The following SNX13 variants were observed in gnomAD, a reference collection of about 807,000 sequenced individuals.
The protein encoded by SNX13 is sorting nexin-13.
SNX13 carries 45 observed loss-of-function variants against 133.6 expected under a neutral mutation model. That is an observed-to-expected ratio of 0.34 (90% CI 0.27 to 0.43). The LOEUF (loss-of-function observed/expected upper bound fraction) is 0.43, where lower values mean the gene tolerates loss of function less well. SNX13 is among the 20% of genes least tolerant of loss of function. SNX13 has a pLI of 1.00. For synonymous variants in SNX13, 414 were observed against 373.9 expected (o/e 1.11, Z -1.24); for missense variants, 1,032 against 1,145.1 (o/e 0.90, Z 1.43).
intron 1 of SNX13, among the ~76,000 whole-genome samples, chr7:17,925,490 T>G (rs557650970): frequency 7.9e-5 from 12 of 152,090 alleles, no homozygotes; most frequent in Non-Finnish European, 1.6e-4. Context: ...ATAAGCAGAA[T>G]AGGCTAAAGG....
chr7:17,910,956 T>C (rs1798913964), intron 1 of SNX13, among the ~76,000 whole-genome samples: 1 of 152,224 alleles, frequency 6.6e-6, no homozygotes, highest in Non-Finnish European at 1.5e-5. Flanking sequence ...GTTCTGACAC[T>C]AATTAGAGGT....
At chr7:17,874,160 A>ACAAAGAGTC (rs1794428008) in intron 7 of SNX13, among the ~76,000 whole-genome samples, 1 of 152,224 alleles carries the variant, frequency 6.6e-6, no homozygotes, top group South Asian at 2.1e-4. Flanking sequence ...TGACCCTTGA[A>ACAAAGAGTC]CAAAGAGTCT....
At position 17,794,208 on chromosome 7, in the gene SNX13, T is replaced by C. The variant is rs1348353088; in HGVS notation, c.2711A>G (p.Asn904Ser). ...VFEMFQHNQL[N>S]RRMVYVFLEG... ...CAAGAAGACATAAACCATTCTCCTA[T>C]TTAATTGGTTGTGCTGAAACATTTC... Residue 904 changes from asparagine to serine, a missense_variant, in exon 26 of 26, where the codon AAT becomes AGT. Asn to Ser is a conservative substitution (Grantham distance 46). Transcript: ENST00000428135. 1 of 1,611,776 alleles carries C rather than the reference T, an allele frequency of 6.2e-7. No individual in the cohort carries two copies. Among genetic ancestry groups the C allele is most frequent in the Admixed American group, 1.7e-5 (1 of 59,730 alleles).
intron 1 of SNX13, among the ~76,000 whole-genome samples, chr7:17,935,191 G>T (rs1295718589): frequency 6.6e-6 from 1 of 152,204 alleles, no homozygotes; most frequent in African/African-American, 2.4e-5. Context: ...GGGCTTAAAA[G>T]AGAAGGAAAT....
chr7:17,882,950 C>A, intron 5 of SNX13: 1 of 392,384 alleles, frequency 2.5e-6, no homozygotes, highest in Non-Finnish European at 4.4e-6. Context: ...GACTCTGTCT[C>A]AAAAACAAAA....
chr7:17,921,106 C>G (rs1301178672), intron 1 of SNX13, among the ~76,000 whole-genome samples: 1 of 152,102 alleles, frequency 6.6e-6, no homozygotes, highest in South Asian at 2.1e-4. Context: ...CTCCTTAGAT[C>G]TTGCACAATC....
intron 1 of SNX13, among the ~76,000 whole-genome samples, chr7:17,922,759 G>A (rs80309677): frequency 6.6e-6 from 1 of 151,624 alleles, no homozygotes; most frequent in East Asian, 1.9e-4. Context: ...AAACTACTGG[G>A]AAAAAAAGAT....
chr7:17,886,036 T>C (rs541557556), intron 5 of SNX13, among the ~76,000 whole-genome samples: 24 of 152,272 alleles, frequency 1.6e-4, no homozygotes, highest in Admixed American at 3.9e-4. Flanking sequence ...TTGTTGCAAA[T>C]GTCCACTATT....
chr7:17,922,038 T>G (rs1800180584), intron 1 of SNX13, among the ~76,000 whole-genome samples: 1 of 152,190 alleles, frequency 6.6e-6, no homozygotes, highest in South Asian at 2.1e-4. Context: ...ATAACCCACT[T>G]CTGTACTCAC....
intron 20 of SNX13, among the ~76,000 whole-genome samples, chr7:17,805,264 C>CAT (rs1554304446): frequency 8.2e-6 from 1 of 122,340 alleles, no homozygotes; most frequent in South Asian, 2.3e-4. Context: ...TGCGCGCGCG[C>CAT]GCATGCATGC....
At chr7:17,902,813 A>G (rs1277550144) in intron 1 of SNX13, among the ~76,000 whole-genome samples, 1 of 152,194 alleles carries the variant, frequency 6.6e-6, no homozygotes, top group Non-Finnish European at 1.5e-5. Context: ...TGCCGCGAGC[A>G]TTAGCACCTG....
chr7:17,925,099 C>A (rs1333747653), intron 1 of SNX13, among the ~76,000 whole-genome samples: 1 of 152,098 alleles, frequency 6.6e-6, no homozygotes, highest in Non-Finnish European at 1.5e-5. Context: ...ATTCCTGCTA[C>A]TCTACTCAGG....
At chr7:17,848,238 G>T (rs1184066385) in intron 11 of SNX13, among the ~76,000 whole-genome samples, 3 of 152,126 alleles carry the variant, frequency 2.0e-5, no homozygotes, top group Non-Finnish European at 4.4e-5. Context: ...GACTTCAGGG[G>T]AAGATTACCT....
Position 17,801,010 on chromosome 7 carries a change from A to AT in SNX13, c.2298+577dup, listed in dbSNP as rs1784553862. Among the ~76,000 whole-genome samples, 3 of 4,900 alleles carry AT rather than the reference A, an allele frequency of 6.1e-4. No homozygotes were observed. The Admixed American group carries it at 8.2e-3, about 13-fold the overall frequency. 3.2% of individuals were successfully genotyped at this position (4,900 alleles called of 152,430 possible). On this transcript the variant is annotated intron_variant, in intron 22 of 25. Coordinates refer to ENST00000428135, the MANE Select transcript of SNX13 (RefSeq NM_015132.5). Reference sequence around the variant, plus strand: ...TTGGCAGTATCTACTAAAACTGAACATATATATATATATATATATATATAT... The same window carrying AT: ...TTGGCAGTATCTACTAAAACTGAACATTATATATATATATATATATATATAT...
At chr7:17,897,508 A>T in intron 1 of SNX13, 62 bp from the exon 2 acceptor site, 1 of 955,322 alleles carries the variant, frequency 1.0e-6, no homozygotes, top group Non-Finnish European at 1.5e-6. Flanking sequence ...TTAGAAAAGA[A>T]CCAACAAAAC....
intron 1 of SNX13, among the ~76,000 whole-genome samples, chr7:17,915,463 T>G (rs1040996724): frequency 6.6e-6 from 1 of 152,210 alleles, no homozygotes; most frequent in African/African-American, 2.4e-5. Context: ...GTCAATGATA[T>G]GCGGTAAAGT....
chr7:17,844,029 C>T (rs947211018), intron 12 of SNX13, among the ~76,000 whole-genome samples: 1 of 151,360 alleles, frequency 6.6e-6, no homozygotes, highest in Non-Finnish European at 1.5e-5. Context: ...AGAAAAAGAA[C>T]AAATTAAACC....
chr7:17,873,138 G>C (rs1794308956), intron 8 of SNX13, among the ~76,000 whole-genome samples: 1 of 152,156 alleles, frequency 6.6e-6, no homozygotes, highest in Non-Finnish European at 1.5e-5. Context: ...GACTTCTGGG[G>C]GATTAGTGGG....
chr7:17,816,243 A>G lies in SNX13; in HGVS notation c.1892T>C (p.Phe631Ser). 6.5e-7 allele frequency: 1 copy of G among 1,543,902 alleles called. No homozygotes were observed. Among genetic ancestry groups the G allele is most frequent in the Non-Finnish European group, 8.8e-7 (1 of 1,142,704 alleles). Residue 631 changes from phenylalanine to serine, a missense_variant, in exon 19 of 26, where the codon TTT becomes TCT. By Grantham distance (155) the Phe-to-Ser change is radical. Coordinates refer to ENST00000428135, the MANE Select transcript of SNX13 (RefSeq NM_015132.5). ...SILKLPGKKT[F>S]NNMDRDFLEK... ...TAAAAAATCTCTATCCATATTATTA[A>G]AAGTCTTTTTTCCAGGAAGTTTCAA...
Sources: gnomAD v4.1 joint callset for allele counts (sites outside exome capture counted in the v4.1 genomes callset) on GRCh38, gnomAD v4.1.1 for gene constraint, MANE v1.5 for transcripts, NCBI Gene and HGNC (gene_info 2026-07-23, HGNC 2026-07-21) for gene names.